The following SLFN11 variants were observed in gnomAD, a reference collection of about 807,000 sequenced individuals.
SLFN11 encodes schlafen family member 11.
In SLFN11, 43 loss-of-function variants were observed where a neutral mutation model predicts 53.4. That is an observed-to-expected ratio of 0.80 (90% CI 0.63 to 1.04). The LOEUF is 1.04. Ranked by LOEUF, SLFN11 falls within the 50% of genes least tolerant of loss-of-function variation. The pLI, the probability that SLFN11 is intolerant of heterozygous loss-of-function variation, is 0.00. For missense variants in SLFN11, 990 were observed against 1,079.1 expected, an observed-to-expected ratio of 0.92 and a Z score of 1.16; for synonymous variants, 389 against 394.7, an observed-to-expected ratio of 0.99 and a Z score of 0.17.
intron 4 of SLFN11, among the ~76,000 whole-genome samples, chr17:35,361,978 C>T (rs570602857): frequency 3.6e-4 from 55 of 152,162 alleles, no homozygotes; most frequent in African/African-American, 1.3e-3. Flanking sequence ...AGGTGATCCA[C>T]CCACCTCAGC....
chr17:35,369,981 GAGA>G (rs757736013), intron 1 of SLFN11, among the ~76,000 whole-genome samples: 4 of 152,038 alleles, frequency 2.6e-5, no homozygotes, highest in Non-Finnish European at 4.4e-5. Context: ...TCAAAAATTA[GAGA>G]AGGAGGGAAT....
In SLFN11 at chr17:35,352,890, T is replaced by C. The variant is rs561409275; in HGVS notation, c.2172A>G (p.Arg724=). ...GLPPLSDQYP[R]EELTRIVRNA... is the part of the protein sequence containing the mutation. ...TGCGAACTATTCTGGTGAGCTCTTC[T>C]CTTGGATATTGGTCTGAGAGAGGAG... The change falls in exon 7 of 7, where the codon AGA becomes AGG. Residue 724 remains arginine (R), a synonymous_variant. Transcript: ENST00000685675. The C allele has an allele frequency of 6.2e-7, 1 of 1,614,212 alleles. No homozygotes were observed. Among genetic ancestry groups the C allele is most frequent in the East Asian group, 2.2e-5 (1 of 44,890 alleles).
chr17:35,365,048 A>G (rs1257517952), intron 3 of SLFN11, among the ~76,000 whole-genome samples: 1 of 152,118 alleles, frequency 6.6e-6, no homozygotes, highest in African/African-American at 2.4e-5. Flanking sequence ...AAGAGGTAGA[A>G]GGAAGTTGGG....
At position 35,352,629 on chromosome 17, in the gene SLFN11, C is replaced by T; in HGVS notation, c.2433G>A (p.Val811=). The T allele has an allele frequency of 6.2e-7, 1 of 1,614,200 alleles. No homozygotes were observed. Among genetic ancestry groups the T allele is most frequent in the Non-Finnish European group, 8.5e-7 (1 of 1,180,032 alleles). Residue 811 remains valine (V), a synonymous_variant, in exon 7 of 7, where the codon GTG becomes GTA. Transcript: ENST00000685675. ...DRGYSPKDVA[V]LVSTAKEVEH... ...CCACTTCTTTTGCGGTGCTGACAAG[C>T]ACAGCAACATCCTTTGGAGAATAGC...
chr17:35,362,841 C>A lies in SLFN11; in HGVS notation c.967G>T (p.Ala323Ser). The A allele has an allele frequency of 1.2e-6, 2 of 1,613,858 alleles. No homozygotes were observed. The highest frequency in any genetic ancestry group is 1.7e-6 in the Non-Finnish European group (2 of 1,179,924). The change falls in exon 4 of 7, where the codon GCA becomes TCA. Residue 323 changes from alanine (A) to serine (S), a missense_variant. Around this residue, in one of 3 missense-constraint regions of SLFN11, gnomAD observed 521 missense variants for 516.2 expected, o/e 1.01. Transcript: ENST00000685675. ...CMIRVNPFCC[A>S]VFSEAPNSWI... ...GAATTGGGAGCTTCTGAGAACACTG[C>A]ACAGCAGAAGGGATTTACTCTGATC...
Position 35,363,178 on chromosome 17 carries a change from AGACTC to A in SLFN11, c.625_629del (p.Glu209SerfsTer6). ...AGAACTGTTTAAACTCTACTAACTG[AGACTC>A]AGGAAAAGGCAGGATTTCACCATAT... On this transcript the variant is annotated frameshift_variant, in exon 4 of 7. Coordinates refer to ENST00000685675, the MANE Select transcript of SLFN11 (RefSeq NM_001376007.1). LOFTEE classifies it high-confidence loss of function. 1 of 1,614,058 alleles carries A rather than the reference AGACTC, an allele frequency of 6.2e-7. No homozygotes were observed.
Position 35,357,315 on chromosome 17 carries a change from ACT to A in SLFN11, c.1198+2926_1198+2927del, listed in dbSNP as rs537935785. 5.9e-5 allele frequency among the ~76,000 whole-genome samples: 9 copies of A among 152,078 alleles called. No individual in the cohort carries two copies. The South Asian group carries it at 1.9e-3, about 32-fold the overall frequency. On this transcript the variant is annotated intron_variant, in intron 5 of 6. Coordinates refer to ENST00000685675, the MANE Select transcript of SLFN11 (RefSeq NM_001376007.1). ...CTTAGTGGCTTTACTCATGCACAAT[ACT>A]TGTTATTTGTATGCAGTCATATATA...
chr17:35,354,133 C>T, intron 5 of SLFN11, 74 bp from the exon 6 acceptor site: 1 of 1,286,136 alleles, frequency 7.8e-7, no homozygotes, highest in South Asian at 2.0e-5. Flanking sequence ...TTATAATTAA[C>T]TAATTGATTA....
Position 35,353,677 on chromosome 17 carries a change from C to T in SLFN11, c.1581G>A (p.Glu527=), listed in dbSNP as rs1209600779. Residue 527 remains glutamate, a synonymous_variant, in exon 6 of 7, where the codon GAG becomes GAA. Transcript: ENST00000685675. ...LSPESSAEAL[E]AAVSPMDYPA... is the part of the protein sequence containing the mutation. ...GGTAATCCATCGGAGACACTGCAGC[C>T]TCCAAGGCCTCTGCGCTGCTCTCAG... The T allele has an allele frequency of 3.9e-6, 5 of 1,266,492 alleles. No homozygotes were observed. In the South Asian group the frequency reaches 4.6e-5, roughly 12 times the overall value. The allele number at this position is 1,266,492 out of a possible 1,614,324, so 78.5% of individuals were successfully genotyped here. A position where few individuals can be genotyped will look rare whatever the true frequency, so the allele number is the denominator to read the frequency against.
intron 5 of SLFN11, among the ~76,000 whole-genome samples, chr17:35,358,624 C>A (rs1907821987): frequency 6.6e-6 from 1 of 151,734 alleles, no homozygotes; most frequent in East Asian, 1.9e-4. Flanking sequence ...ATGTATTGAG[C>A]TTTTTCAAAT....
At position 35,352,310 on chromosome 17, in the gene SLFN11, CTG is replaced by C. The variant is rs1028874201; in HGVS notation, c.*44_*45del. ...AAGAAAGGTTTCTACCATCAGCAGA[CTG>C]TCACCCATAGACATTTACATAGCAT... On this transcript the variant is annotated 3_prime_UTR_variant, in exon 7 of 7. Coordinates refer to ENST00000685675, the MANE Select transcript of SLFN11 (RefSeq NM_001376007.1). 6.3e-7 allele frequency: 1 copy of C among 1,594,956 alleles called. No homozygotes were observed. The highest frequency in any genetic ancestry group is 8.6e-7 in the Non-Finnish European group (1 of 1,166,916).
intron 5 of SLFN11, among the ~76,000 whole-genome samples, chr17:35,359,084 A>T (rs1907874570): frequency 6.6e-6 from 1 of 152,144 alleles, no homozygotes; most frequent in Non-Finnish European, 1.5e-5. Flanking sequence ...TAAATAGTGT[A>T]AAAAATGCCT....
chr17:35,363,072 G>C lies in SLFN11; in HGVS notation c.736C>G (p.Leu246Val). Residue 246 changes from leucine to valine, a missense_variant, in exon 4 of 7, where the codon CTT (leucine) becomes GTT (valine). Coordinates refer to ENST00000685675, the MANE Select transcript of SLFN11 (RefSeq NM_001376007.1). ...PAFANTGGGY[L>V]FIGVDDKSRE... The stretch of plus-strand genomic sequence containing the variant: ...CTCTTATCATCCACTCCAATAAAAA[G>C]ATAGCCTCCTCCAGTGTTTGCAAAT... The C allele has an allele frequency of 6.2e-7, 1 of 1,614,004 alleles. No individual in the cohort carries two copies. Among genetic ancestry groups the C allele is most frequent in the African/African-American group, 1.3e-5 (1 of 75,022 alleles).
Position 35,363,555 on chromosome 17 carries a change from T to C in SLFN11, c.253A>G (p.Ile85Val). ...LDLEQSLREL[I>V]QSSDLQAFFE... ...AAAGCCTGCAGATCTGAAGACTGAA[T>C]AAGCTCTCTCAAAGACTGTTCTAAA... The change falls in exon 4 of 7, where the codon ATT (isoleucine) becomes GTT (valine). Residue 85 changes from isoleucine (I) to valine (V), a missense_variant. Ile to Val is a conservative substitution (Grantham distance 29). Around this residue, in one of 3 missense-constraint regions of SLFN11, gnomAD observed 521 missense variants for 516.2 expected, o/e 1.01. Coordinates refer to ENST00000685675, the MANE Select transcript of SLFN11 (RefSeq NM_001376007.1). 1 of 1,614,048 alleles carries C rather than the reference T, an allele frequency of 6.2e-7. No individual in the cohort carries two copies. Among genetic ancestry groups the C allele is most frequent in the Admixed American group, 1.7e-5 (1 of 60,004 alleles).
chr17:35,351,351 G>A lies in SLFN11; in HGVS notation c.*1005C>T, dbSNP rs1906654094. The A allele has an allele frequency of 6.6e-6, 1 of 152,160 alleles. No individual in the cohort carries two copies. The highest frequency in any genetic ancestry group is 2.1e-4 in the South Asian group (1 of 4,824). 9.4% of individuals were successfully genotyped at this position (152,160 alleles called of 1,614,324 possible). A position where few individuals can be genotyped will look rare whatever the true frequency, so the allele number is the denominator to read the frequency against. On this transcript the variant is annotated 3_prime_UTR_variant, in exon 7 of 7. Coordinates refer to ENST00000685675, the MANE Select transcript of SLFN11 (RefSeq NM_001376007.1). ...CAGCCCCAGCTCCACAGTGCAGGTT[G>A]GGGCTTCAACACGGGAATTTGGGGG... is the stretch of plus-strand genomic sequence containing the variant.
At chr17:35,364,104 A>C (rs1567825538) in intron 3 of SLFN11, among the ~76,000 whole-genome samples, 4 of 152,152 alleles carry the variant, frequency 2.6e-5, no homozygotes, top group Admixed American at 2.0e-4. Flanking sequence ...CAAAGGTGAC[A>C]TTTAAAGACC....
rs1224767096 is a variant in SLFN11, at chr17:35,363,623, C to G, written c.185G>C (p.Arg62Pro). ...GGGATGCTCAACCTTCTTGGCCATT[C>G]GAATCACTCCTCCTCCTGAGTTTAA... ...ALLNSGGGVI[R>P]MAKKVEHPVE... The change falls in exon 4 of 7, where the codon CGA (arginine) becomes CCA (proline). Residue 62 changes from arginine to proline, a missense_variant. By Grantham distance (103) the Arg-to-Pro change is moderately radical (BLOSUM62 -2). Coordinates refer to ENST00000685675, the MANE Select transcript of SLFN11 (RefSeq NM_001376007.1). 2 of 1,613,724 alleles carry G rather than the reference C, an allele frequency of 1.2e-6. No individual in the cohort carries two copies. Among genetic ancestry groups the G allele is most frequent in the African/African-American group, 1.3e-5 (1 of 75,000 alleles).
rs942951708 is a variant in SLFN11 at position 35,373,458 on chromosome 17, T to C, written c.-235+16A>G. The C allele has an allele frequency of 6.6e-6, 1 of 151,564 alleles. No individual in the cohort carries two copies. Among genetic ancestry groups the C allele is most frequent in the African/African-American group, 2.4e-5 (1 of 41,244 alleles). The allele number at this position is 151,564 out of a possible 1,614,324, so 9.4% of individuals were successfully genotyped here. A position where few individuals can be genotyped will look rare whatever the true frequency, so the allele number is the denominator to read the frequency against. The stretch of plus-strand genomic sequence containing the variant: ...GGCTGGGGTGGGGTGGGAAGGGTGC[T>C]GCTCCCTTCTCGAACCTGGCACTCG... On this transcript the variant is annotated intron_variant, in intron 1 of 6. Coordinates refer to ENST00000685675, the MANE Select transcript of SLFN11 (RefSeq NM_001376007.1).
chr17:35,352,033 G>A lies in SLFN11; in HGVS notation c.*323C>T, dbSNP rs1028590554. The stretch of plus-strand genomic sequence containing the variant: ...GAAGCCCAGCCTTGGAAGAAAGAAA[G>A]GCCACAGGCTGAGTTTCTTATTTTT... On this transcript the variant is annotated 3_prime_UTR_variant, in exon 7 of 7. Coordinates refer to ENST00000685675, the MANE Select transcript of SLFN11 (RefSeq NM_001376007.1). 1 of 280,650 alleles carries A rather than the reference G, an allele frequency of 3.6e-6. No homozygotes were observed. The highest frequency in any genetic ancestry group is 6.6e-6 in the Non-Finnish European group (1 of 150,586). 17.4% of individuals were successfully genotyped at this position (280,650 alleles called of 1,614,324 possible).
Sources: allele counts gnomAD v4.1 joint callset (sites outside exome capture counted in the v4.1 genomes callset), GRCh38; gene constraint gnomAD v4.1.1; regional missense constraint gnomAD v4.1.1; transcripts MANE v1.5; gene names NCBI Gene and HGNC (gene_info 2026-07-23, HGNC 2026-07-21).